RB1: variants seen among roughly 807,000 people sequenced by gnomAD.
RB1 encodes the protein retinoblastoma-associated protein.
Under a neutral mutation model 135.4 loss-of-function variants are expected in RB1, and 18 were observed. The observed-to-expected ratio is 0.13, with a 90% CI of 0.09 to 0.20. The LOEUF (loss-of-function observed/expected upper bound fraction) is 0.20, where lower values mean the gene tolerates loss of function less well. Among genes scored for constraint, RB1 ranks in the 10% least tolerant of loss-of-function variants. RB1 has a pLI of 1.00. For synonymous variants in RB1, 365 were observed against 373.2 expected, an observed-to-expected ratio of 0.98 and a Z score of 0.25; for missense variants, 868 against 1,110.0, an observed-to-expected ratio of 0.78 and a Z score of 3.10.
At chr13:48,456,402 G>C (rs2138331917) in intron 19 of RB1, 53 bp downstream of exon 19, 1 of 1,597,878 alleles carries the variant, frequency 6.3e-7, no homozygotes, top group Non-Finnish European at 8.5e-7. Flanking sequence ...GGCTGACTGG[G>C]TTCAAATCAT....
At chr13:48,436,596 T>A (rs558157881) in intron 17 of RB1, among the ~76,000 whole-genome samples, 213 of 151,978 alleles carry the variant, frequency 1.4e-3, no homozygotes, top group Admixed American at 3.8e-3. Context: ...TGAGCCAAGA[T>A]TGCACCACTG....
chr13:48,442,634 C>G (rs1465980554), intron 17 of RB1, among the ~76,000 whole-genome samples: 2 of 152,068 alleles, frequency 1.3e-5, no homozygotes, highest in Non-Finnish European at 2.9e-5. Context: ...TGGGTGAGGA[C>G]TTTGACTTCT....
intron 10 of RB1, among the ~76,000 whole-genome samples, chr13:48,367,869 A>G (rs2138122071): frequency 6.6e-6 from 1 of 152,320 alleles, no homozygotes; most frequent in South Asian, 2.1e-4. Flanking sequence ...ACCAAAAGAT[A>G]ATGGCTAAAG....
intron 2 of RB1, among the ~76,000 whole-genome samples, chr13:48,308,450 C>A (rs1952104772): frequency 6.6e-6 from 1 of 152,084 alleles, no homozygotes; most frequent in Admixed American, 6.5e-5. Flanking sequence ...GTCAGGAGTT[C>A]TAGACCAGCC....
At chr13:48,450,442 T>C (rs1431579384) in intron 17 of RB1, among the ~76,000 whole-genome samples, 1 of 152,206 alleles carries the variant, frequency 6.6e-6, no homozygotes. Flanking sequence ...TGCTTGTTTT[T>C]GTCAGGTTTG....
chr13:48,347,157 T>A lies in RB1; in HGVS notation c.501-668T>A, dbSNP rs932805077. ...TTACATAGTGGACAAAGCATTACAT[T>A]GTATATGTTTAAGGGTGAAGGGTAA... On this transcript the variant is annotated intron_variant, in intron 4 of 26. Coordinates refer to ENST00000267163, the MANE Select transcript of RB1 (RefSeq NM_000321.3). Among the ~76,000 whole-genome samples the A allele has an allele frequency of 2.0e-5, 3 of 152,044 alleles. No homozygotes were observed. In the East Asian group the frequency reaches 5.8e-4, roughly 29 times the overall value.
intron 2 of RB1, among the ~76,000 whole-genome samples, chr13:48,342,364 T>C (rs1952452946): frequency 1.3e-5 from 2 of 152,020 alleles, no homozygotes; most frequent in Non-Finnish European, 2.9e-5. Context: ...TATTTAATTT[T>C]TTATCTTTCT....
At chr13:48,341,601 T>G (rs2138082071) in intron 2 of RB1, among the ~76,000 whole-genome samples, 1 of 152,180 alleles carries the variant, frequency 6.6e-6, no homozygotes, top group Non-Finnish European at 1.5e-5. Context: ...ACATTTTAGC[T>G]ATTCTAGTGG....
chr13:48,405,487 A>C (rs12585742), intron 17 of RB1, among the ~76,000 whole-genome samples: 1,897 of 152,264 alleles, frequency 0.012, 44 homozygotes, highest in African/African-American at 0.039. Flanking sequence ...CATAGTTTTG[A>C]CTGCATATAA....
At position 48,480,116 on chromosome 13, in the gene RB1, T is replaced by C; in HGVS notation, c.*45T>C. On this transcript the variant is annotated 3_prime_UTR_variant, in exon 27 of 27. Coordinates refer to ENST00000267163, the MANE Select transcript of RB1 (RefSeq NM_000321.3). Reference sequence around the variant, plus strand: ...GACACTGTGTACACCTCTGGATTCATTGTCTCTCACAGATGTGACTGTATA... The same window carrying C: ...GACACTGTGTACACCTCTGGATTCACTGTCTCTCACAGATGTGACTGTATA... The C allele has an allele frequency of 2.0e-6, 3 of 1,488,322 alleles. No homozygotes were observed. Among genetic ancestry groups the C allele is most frequent in the Non-Finnish European group, 1.9e-6 (2 of 1,068,266 alleles). 92.2% of individuals were successfully genotyped at this position (1,488,322 alleles called of 1,614,324 possible).
At chr13:48,316,701 C>G (rs1400215298) in intron 2 of RB1, among the ~76,000 whole-genome samples, 2 of 147,880 alleles carry the variant, frequency 1.4e-5, no homozygotes, top group Non-Finnish European at 3.0e-5. Flanking sequence ...GTTTCTCCTC[C>G]CTGCAACCAC....
rs587778642 is a variant in RB1, at chr13:48,465,046, G to C, written c.2260G>C (p.Val754Leu). The change falls in exon 22 of 27, where the codon GTA (valine) becomes CTA (leucine). Residue 754 changes from valine to leucine, a missense_variant. Physicochemically the swap from Val to Leu is conservative, Grantham distance 32 (BLOSUM62 1). This residue lies in a region of RB1 where 196 missense variants were observed against 239.8 expected (regional missense o/e 0.82). Coordinates refer to ENST00000267163, the MANE Select transcript of RB1 (RefSeq NM_000321.3). ...IKEEEYDSII[V>L]FYNSVFMQRL... ...AGAAGAGGAGTATGATTCTATTATA[G>C]TATTCTATAACTCGGTCTTCATGCA... 1 of 1,483,800 alleles carries C rather than the reference G, an allele frequency of 6.7e-7. No individual in the cohort carries two copies. Among genetic ancestry groups the C allele is most frequent in the Non-Finnish European group, 9.1e-7 (1 of 1,102,500 alleles). The allele number at this position is 1,483,800 out of a possible 1,614,324, so 91.9% of individuals were successfully genotyped here.
At chr13:48,348,667 C>T (rs1273217660) in intron 5 of RB1, among the ~76,000 whole-genome samples, 4 of 149,470 alleles carry the variant, frequency 2.7e-5, no homozygotes, top group Non-Finnish European at 4.5e-5. Context: ...AAAATGTATA[C>T]TTTTTTTTCT....
At chr13:48,466,141 C>T (rs1274818862) in intron 23 of RB1, among the ~76,000 whole-genome samples, 1 of 147,142 alleles carries the variant, frequency 6.8e-6, no homozygotes, top group Non-Finnish European at 1.5e-5. Flanking sequence ...GTAACCTCTG[C>T]AGACTTAAGT....
intron 17 of RB1, among the ~76,000 whole-genome samples, chr13:48,395,413 G>T (rs912798360): frequency 8.9e-4 from 135 of 152,114 alleles, no homozygotes; most frequent in African/African-American, 3.2e-3. Context: ...TCAGAAGGTG[G>T]GTAATAACAA....
intron 3 of RB1, among the ~76,000 whole-genome samples, chr13:48,343,854 A>G (rs757299255): frequency 1.4e-4 from 22 of 152,090 alleles, no homozygotes; most frequent in Non-Finnish European, 2.8e-4. Context: ...TTGCTTTTTC[A>G]CATAGCTTGT....
chr13:48,389,429 G>C (rs957176637), intron 17 of RB1: 1 of 152,042 alleles, frequency 6.6e-6, no homozygotes, highest in African/African-American at 2.4e-5. Flanking sequence ...GAGAAATAAA[G>C]ATATAACAGA....
intron 2 of RB1, among the ~76,000 whole-genome samples, chr13:48,311,258 CT>C (rs1157175276): frequency 6.6e-6 from 1 of 152,026 alleles, no homozygotes; most frequent in Non-Finnish European, 1.5e-5. Context: ...TCTCAAAGAG[CT>C]TTGGGATATA....
At chr13:48,430,777 A>C (rs1010545766) in intron 17 of RB1, among the ~76,000 whole-genome samples, 1 of 142,780 alleles carries the variant, frequency 7.0e-6, no homozygotes, top group African/African-American at 2.6e-5. Flanking sequence ...AAAAAAAAAA[A>C]CAGTAGAGGC....
Sources: gnomAD v4.1 joint callset for allele counts (sites outside exome capture counted in the v4.1 genomes callset) on GRCh38, gnomAD v4.1.1 for gene constraint, gnomAD v4.1.1 regional missense constraint, MANE v1.5 for transcripts, NCBI Gene and HGNC (gene_info 2026-07-23, HGNC 2026-07-21) for gene names.